CPPED1: variants seen among roughly 807,000 people sequenced by gnomAD.
The protein encoded by CPPED1 is calcineurin like phosphoesterase domain containing 1.
CPPED1 carries 28 observed loss-of-function variants against 28.0 expected under a neutral mutation model. The observed-to-expected ratio is 1.00, with a 90% CI of 0.74 to 1.37. The LOEUF (loss-of-function observed/expected upper bound fraction) is 1.37, where lower values mean the gene tolerates loss of function less well. Ranked by LOEUF, CPPED1 falls within the 40% of genes most tolerant of loss-of-function variation. The pLI is 0.00. For missense variants in CPPED1, 504 were observed against 416.5 expected (o/e 1.21, Z -1.83); for synonymous variants, 198 against 180.2 (o/e 1.10, Z -0.79).
intron 1 of CPPED1, among the ~76,000 whole-genome samples, chr16:12,786,001 A>C (rs2080560969): frequency 5.3e-5 from 8 of 152,128 alleles, no homozygotes; most frequent in Admixed American, 5.2e-4. Flanking sequence ...TCCTAGCTTA[A>C]ATATGAGATT....
chr16:12,703,313 G>C (rs1157682094), intron 3 of CPPED1, among the ~76,000 whole-genome samples: 1 of 152,012 alleles, frequency 6.6e-6, no homozygotes, highest in African/African-American at 2.4e-5. Context: ...CCGCTGGGTG[G>C]GGTGGCTCAC....
chr16:12,674,005 C>A (rs2079865814), intron 3 of CPPED1, among the ~76,000 whole-genome samples: 2 of 152,144 alleles, frequency 1.3e-5, no homozygotes, highest in South Asian at 4.2e-4. Flanking sequence ...GCTATGGTTG[C>A]ACCACTGCAC....
chr16:12,768,910 G>T (rs1280108792), intron 2 of CPPED1, among the ~76,000 whole-genome samples: 1 of 145,792 alleles, frequency 6.9e-6, no homozygotes, highest in African/African-American at 2.5e-5. Flanking sequence ...TTGTTGCCCA[G>T]GCTGCAGTGC....
chr16:12,739,821 A>G (rs1451188693), intron 2 of CPPED1, among the ~76,000 whole-genome samples: 2 of 152,100 alleles, frequency 1.3e-5, no homozygotes, highest in African/African-American at 4.8e-5. Context: ...TTTCTTGATA[A>G]AAGGGTTAGG....
chr16:12,754,948 C>A (rs1020466960), intron 2 of CPPED1, among the ~76,000 whole-genome samples: 2 of 152,138 alleles, frequency 1.3e-5, no homozygotes, highest in African/African-American at 4.8e-5. Flanking sequence ...GAGTTAGAAG[C>A]TGTAGTGAGC....
At chr16:12,795,389 G>A (rs889135423) in intron 1 of CPPED1, among the ~76,000 whole-genome samples, 8 of 152,294 alleles carry the variant, frequency 5.3e-5, no homozygotes, top group East Asian at 3.9e-4. Context: ...GCCCAGCCTG[G>A]AGTACAGTGG....
intron 2 of CPPED1, among the ~76,000 whole-genome samples, chr16:12,711,276 G>C (rs1024236460): frequency 3.9e-5 from 6 of 152,332 alleles, no homozygotes; most frequent in African/African-American, 1.2e-4. Flanking sequence ...GAGGCACTTA[G>C]AGTGGTCAAA....
chr16:12,777,004 C>T (rs4781333), intron 2 of CPPED1, among the ~76,000 whole-genome samples: 107,600 of 152,104 alleles, frequency 0.71, 38,147 homozygotes, highest in Middle Eastern at 0.74. Flanking sequence ...ATTCTTTTTG[C>T]TTATAAATTA....
rs1189053595 is a variant in CPPED1, at chr16:12,670,919, C to T, written c.716-5804G>A. On this transcript the variant is annotated intron_variant, in intron 3 of 3. Transcript: ENST00000381774. This position sits in a 1 kb window ranked among gnomAD's most constrained non-coding sequence, Gnocchi z 4.2. The stretch of plus-strand genomic sequence containing the variant: ...ATGCTGAAGTACAGTGGTGCGATCT[C>T]GGCTCACTGCAAACTCCGCCTCCCG... Among the ~76,000 whole-genome samples the T allele has an allele frequency of 6.6e-6, 1 of 152,052 alleles. No individual in the cohort carries two copies. The highest frequency in any genetic ancestry group is 1.5e-5 in the Non-Finnish European group (1 of 68,024).
At chr16:12,700,919 T>A (rs753880488) in intron 3 of CPPED1, among the ~76,000 whole-genome samples, 1 of 151,988 alleles carries the variant, frequency 6.6e-6, no homozygotes, top group Non-Finnish European at 1.5e-5. Context: ...GAGAGCCTTA[T>A]ACAGAAGATG....
chr16:12,685,246 T>A (rs2079926797), intron 3 of CPPED1, among the ~76,000 whole-genome samples: 2 of 152,066 alleles, frequency 1.3e-5, no homozygotes, highest in Non-Finnish European at 2.9e-5. Context: ...GGTCAGGAGT[T>A]TGAGACCAGC....
intron 2 of CPPED1, among the ~76,000 whole-genome samples, chr16:12,762,759 T>C (rs2080416878): frequency 6.6e-6 from 1 of 152,058 alleles, no homozygotes; most frequent in African/African-American, 2.4e-5. Flanking sequence ...TTTGTTTTGT[T>C]TTGAGACAGT....
chr16:12,694,315 G>A lies in CPPED1; in HGVS notation c.715+10309C>T, dbSNP rs529608455. 4.6e-5 allele frequency among the ~76,000 whole-genome samples: 7 copies of A among 152,320 alleles called. No individual in the cohort carries two copies. The South Asian group carries it at 1.0e-3, about 23-fold the overall frequency. The stretch of plus-strand genomic sequence containing the variant: ...CATCCCTCCATCCTCAGTGCCTAGC[G>A]TGGGATCCATGCTATTTGCTGAATG... On this transcript the variant is annotated intron_variant, in intron 3 of 3. Coordinates refer to ENST00000381774, the MANE Select transcript of CPPED1 (RefSeq NM_018340.3).
Position 12,670,267 on chromosome 16 carries a change from T to A in CPPED1, c.716-5152A>T, listed in dbSNP as rs1221644755. 2.6e-5 allele frequency among the ~76,000 whole-genome samples: 4 copies of A among 152,116 alleles called. No homozygotes were observed. The highest frequency in any genetic ancestry group is 9.7e-5 in the African/African-American group (4 of 41,424). On this transcript the variant is annotated intron_variant, in intron 3 of 3. Coordinates refer to ENST00000381774, the MANE Select transcript of CPPED1 (RefSeq NM_018340.3). The surrounding 1 kb of genome is among the most constrained non-coding windows in gnomAD (Gnocchi z 4.2). ...CTATGACCGCACCATTGCATTCCAG[T>A]TTGGGTGACAGAGAGACCTTGTCTC...
chr16:12,708,799 G>T (rs1455311047), intron 2 of CPPED1, among the ~76,000 whole-genome samples: 1 of 152,192 alleles, frequency 6.6e-6, no homozygotes, highest in Non-Finnish European at 1.5e-5. Flanking sequence ...TCCCATTGTG[G>T]CTGGGTGCAG....
intron 2 of CPPED1, among the ~76,000 whole-genome samples, chr16:12,735,657 T>C (rs2080223147): frequency 6.6e-6 from 1 of 152,226 alleles, no homozygotes; most frequent in Non-Finnish European, 1.5e-5. Context: ...TACCACCTGC[T>C]TCATAGGATT....
chr16:12,779,294 C>T (rs1473168466), intron 2 of CPPED1, among the ~76,000 whole-genome samples: 1 of 152,110 alleles, frequency 6.6e-6, no homozygotes, highest in Non-Finnish European at 1.5e-5. Flanking sequence ...TCATGGCTCA[C>T]TGTAGCCTCA....
chr16:12,691,493 G>A (rs1448288694), intron 3 of CPPED1, among the ~76,000 whole-genome samples: 1 of 152,032 alleles, frequency 6.6e-6, no homozygotes, highest in African/African-American at 2.4e-5. Context: ...AAAACATGCT[G>A]CTATAAAGAC....
intron 2 of CPPED1, among the ~76,000 whole-genome samples, chr16:12,743,598 T>C (rs2080267372): frequency 6.6e-6 from 1 of 152,150 alleles, no homozygotes; most frequent in African/African-American, 2.4e-5. Context: ...AACCTGTAAA[T>C]ACACAAAGTA....
Sources: gnomAD v4.1 joint callset for allele counts (sites outside exome capture counted in the v4.1 genomes callset) on GRCh38, gnomAD v4.1.1 for gene constraint, Gnocchi (gnomAD v3.1) non-coding constraint, MANE v1.5 for transcripts, NCBI Gene and HGNC (gene_info 2026-07-23, HGNC 2026-07-21) for gene names.